The following FGD5 variants were observed in gnomAD, a reference collection of about 807,000 sequenced individuals.
FGD5 encodes the protein FYVE, RhoGEF and PH domain-containing protein 5.
FGD5 carries 28 observed loss-of-function variants against 133.4 expected under a neutral mutation model. The ratio of observed to expected loss-of-function variants is 0.21; its 90% CI spans 0.16 to 0.29. The LOEUF is 0.29. Among genes scored for constraint, FGD5 ranks in the 10% least tolerant of loss-of-function variants. The pLI is 1.00. For synonymous variants in FGD5, 810 were observed against 776.5 expected, an observed-to-expected ratio of 1.04 and a Z score of -0.72; for missense variants, 1,858 against 1,895.2, an observed-to-expected ratio of 0.98 and a Z score of 0.36.
At chr3:14,890,473 G>A (rs2125126322) in intron 4 of FGD5, among the ~76,000 whole-genome samples, 1 of 152,154 alleles carries the variant, frequency 6.6e-6, no homozygotes, top group Non-Finnish European at 1.5e-5. Context: ...GAATGAGGAC[G>A]GGTGCCTCCT....
chr3:14,822,778 C>T (rs1422397296), intron 1 of FGD5, among the ~76,000 whole-genome samples: 1 of 152,172 alleles, frequency 6.6e-6, no homozygotes, highest in Non-Finnish European at 1.5e-5. Flanking sequence ...GATTCTTTTC[C>T]CTCATGTGCA....
intron 1 of FGD5, among the ~76,000 whole-genome samples, chr3:14,837,699 C>T (rs181106439): frequency 3.3e-4 from 51 of 152,282 alleles, no homozygotes; most frequent in African/African-American, 1.2e-3. Context: ...AAAGTGCTCA[C>T]GGTGTTCCAC....
At chr3:14,811,032 G>T (rs112037893) in intron 1 of FGD5, among the ~76,000 whole-genome samples, 3 of 150,864 alleles carry the variant, frequency 2.0e-5, no homozygotes, top group Admixed American at 6.6e-5. Flanking sequence ...GGGTCCTCTC[G>T]CCGAGGAGGC....
chr3:14,822,221 G>T (rs757398375), intron 1 of FGD5, among the ~76,000 whole-genome samples: 15 of 152,122 alleles, frequency 9.9e-5, no homozygotes, highest in Non-Finnish European at 1.5e-4. Context: ...TACATTATTT[G>T]GGAGACAGTT....
At chr3:14,827,909 G>C (rs2036633473) in intron 1 of FGD5, among the ~76,000 whole-genome samples, 1 of 152,228 alleles carries the variant, frequency 6.6e-6, no homozygotes, top group African/African-American at 2.4e-5. Context: ...AGACAGAGCA[G>C]TTAAGGATTC....
chr3:14,811,274 G>C (rs1373492797), intron 1 of FGD5: 1 of 152,200 alleles, frequency 6.6e-6, no homozygotes, highest in Non-Finnish European at 1.5e-5. Context: ...TCATCTCTCA[G>C]GGGCAACACC....
At position 14,821,133 on chromosome 3, in the gene FGD5, G is replaced by A. The variant is rs73028180; in HGVS notation, c.2062G>A (p.Gly688Arg). The change falls in exon 1 of 20, where the codon GGG becomes AGG. Residue 688 changes from glycine (G) to arginine (R), a missense_variant. Physicochemically the swap from Gly to Arg is moderately radical, Grantham distance 125. Around this residue, in one of 3 missense-constraint regions of FGD5, gnomAD observed 1,824 missense variants for 1,848.9 expected, o/e 0.99. Coordinates refer to ENST00000285046, the MANE Select transcript of FGD5 (RefSeq NM_152536.4). ...GTCCTCTTCAGAGTCCAGCTACCACGGGCCTTCCAGGATTCTGGAAGTTGA... is the reference window on the plus strand; with the variant it reads ...GTCCTCTTCAGAGTCCAGCTACCACAGGCCTTCCAGGATTCTGGAAGTTGA... ...SRSSSESSYHGPSRILEVDRR... is the reference protein window; with the variant it reads ...SRSSSESSYHRPSRILEVDRR... 26 of 1,613,890 alleles carry A rather than the reference G, an allele frequency of 1.6e-5. No individual in the cohort carries two copies. The highest frequency in any genetic ancestry group is 4.5e-5 in the East Asian group (2 of 44,864).
chr3:14,812,562 A>C (rs1319377300), intron 1 of FGD5, among the ~76,000 whole-genome samples: 1 of 152,076 alleles, frequency 6.6e-6, no homozygotes, highest in East Asian at 1.9e-4. Flanking sequence ...GCCTTCCTGT[A>C]ATTTGTCTCC....
At chr3:14,828,737 G>A (rs1191930361) in intron 1 of FGD5, among the ~76,000 whole-genome samples, 1 of 152,042 alleles carries the variant, frequency 6.6e-6, no homozygotes, top group Non-Finnish European at 1.5e-5. Context: ...AAGTGATAAA[G>A]CTTGGTTAGT....
intron 4 of FGD5, among the ~76,000 whole-genome samples, chr3:14,887,275 C>T (rs1403364512): frequency 6.6e-6 from 1 of 152,134 alleles, no homozygotes; most frequent in Non-Finnish European, 1.5e-5. Context: ...TACCCTTGTT[C>T]CCAGTGGCTT....
intron 6 of FGD5, 142 bp downstream of exon 6, chr3:14,898,237 GGAT>G: frequency 3.6e-6 from 4 of 1,121,198 alleles, no homozygotes; most frequent in Non-Finnish European, 5.1e-6. Flanking sequence ...AGGGATGAGA[GGAT>G]GACCCATCAG....
At chr3:14,812,907 G>C (rs1321439057) in intron 1 of FGD5, among the ~76,000 whole-genome samples, 4 of 152,150 alleles carry the variant, frequency 2.6e-5, no homozygotes, top group Admixed American at 6.5e-5. Context: ...TTGCTTTTAG[G>C]TGTTTTACTT....
intron 1 of FGD5, among the ~76,000 whole-genome samples, chr3:14,811,146 G>T (rs754877524): frequency 1.3e-5 from 2 of 152,112 alleles, no homozygotes; most frequent in South Asian, 4.1e-4. Context: ...CTCGCACGGC[G>T]TTCCCCGGAG....
chr3:14,882,564 G>C (rs1050766467), intron 4 of FGD5, among the ~76,000 whole-genome samples: 1 of 152,062 alleles, frequency 6.6e-6, no homozygotes, highest in African/African-American at 2.4e-5. Context: ...CAGGCATGGT[G>C]GTGGGCGCTT....
At chr3:14,838,823 T>C (rs2125083403) in intron 1 of FGD5, among the ~76,000 whole-genome samples, 1 of 152,336 alleles carries the variant, frequency 6.6e-6, no homozygotes, top group African/African-American at 2.4e-5. Context: ...ATGACATTGC[T>C]GGGGCCTCAC....
intron 2 of FGD5, among the ~76,000 whole-genome samples, chr3:14,867,391 C>T (rs545234750): frequency 1.3e-5 from 2 of 152,342 alleles, no homozygotes; most frequent in South Asian, 4.1e-4. Flanking sequence ...TTAGCCATCT[C>T]CTCACTGCAG....
chr3:14,914,400 C>G (rs1237908198), intron 11 of FGD5, among the ~76,000 whole-genome samples: 3 of 152,226 alleles, frequency 2.0e-5, no homozygotes, highest in African/African-American at 7.2e-5. Context: ...TCATGATGGG[C>G]TCTTCCTCCT....
chr3:14,923,894 C>G, intron 16 of FGD5, 114 bp from the exon 17 acceptor site: 2 of 1,321,464 alleles, frequency 1.5e-6, no homozygotes, highest in Non-Finnish European at 2.1e-6. Flanking sequence ...TTTCAGGTCC[C>G]ACTTAACCCC....
At position 14,922,003 on chromosome 3, in the gene FGD5, C is replaced by T; in HGVS notation, c.3655C>T (p.His1219Tyr). ...CAAGGCCCAGGCGCTGGCTGCATTC[C>T]ACCATAGCGTGGAGGTGAGTGGGTG... ...DYKAQALAAF[H>Y]HSVEIRERLG... Residue 1219 changes from histidine (H) to tyrosine (Y), a missense_variant, in exon 14 of 20, where the codon CAC becomes TAC. By Grantham distance (83) the His-to-Tyr change is moderately conservative. Transcript: ENST00000285046. The surrounding 1 kb of genome is among the most constrained non-coding windows in gnomAD (Gnocchi z 4.1). 1 of 1,561,288 alleles carries T rather than the reference C, an allele frequency of 6.4e-7. No individual in the cohort carries two copies. Among genetic ancestry groups the T allele is most frequent in the South Asian group, 1.2e-5 (1 of 84,584 alleles).
Sources: gnomAD v4.1 joint callset for allele counts (sites outside exome capture counted in the v4.1 genomes callset) on GRCh38, gnomAD v4.1.1 for gene constraint, gnomAD v4.1.1 regional missense constraint, Gnocchi (gnomAD v3.1) non-coding constraint, MANE v1.5 for transcripts, NCBI Gene and HGNC (gene_info 2026-07-23, HGNC 2026-07-21) for gene names.